NMNAT2: variants seen among roughly 807,000 people sequenced by gnomAD.
NMNAT2 encodes the protein nicotinamide nucleotide adenylyltransferase 2.
A neutral mutation model predicts 41.6 loss-of-function variants in NMNAT2; 11 were observed. That is an observed-to-expected ratio of 0.26 (90% CI 0.17 to 0.44). The LOEUF (loss-of-function observed/expected upper bound fraction) is 0.44, where lower values mean the gene tolerates loss of function less well. Ranked by LOEUF, NMNAT2 falls within the 20% of genes least tolerant of loss-of-function variation. NMNAT2 has a pLI of 1.00. For synonymous variants in NMNAT2, 148 were observed against 151.2 expected (o/e 0.98, Z 0.16); for missense variants, 288 against 407.7 (o/e 0.71, Z 2.53).
rs1043177121 is a variant in NMNAT2 at position 183,345,718 on chromosome 1, A to G, written c.86-51925T>C. ...TTTTTTTTTTTTGAGACGGAGTCTC[A>G]CACTGTTGCCCAGGCTGGAGCGCAG... On this transcript the variant is annotated intron_variant, in intron 1 of 10. Coordinates refer to ENST00000287713, the MANE Select transcript of NMNAT2 (RefSeq NM_015039.4). Among the ~76,000 whole-genome samples the G allele has an allele frequency of 5.5e-5, 8 of 146,542 alleles. No individual in the cohort carries two copies. In the East Asian group the frequency reaches 1.6e-3, roughly 29 times the overall value.
At chr1:183,284,560 G>A in intron 6 of NMNAT2, 150 bp downstream of exon 6, 2 of 713,768 alleles carry the variant, frequency 2.8e-6, no homozygotes, top group Non-Finnish European at 2.6e-6. Context: ...ACGCCTGTGT[G>A]GGGGGATACG....
chr1:183,399,793 C>T (rs1157387269), intron 1 of NMNAT2, among the ~76,000 whole-genome samples: 1 of 152,180 alleles, frequency 6.6e-6, no homozygotes, highest in Non-Finnish European at 1.5e-5. Flanking sequence ...ATCATATAAA[C>T]AGAACCAAAG....
At chr1:183,290,812 G>A (rs1661520447) in intron 3 of NMNAT2, 1 of 152,254 alleles carries the variant, frequency 6.6e-6, no homozygotes, top group Non-Finnish European at 1.5e-5. Flanking sequence ...ATGACAGTCA[G>A]ATGAGAGGGC....
At position 183,367,007 on chromosome 1, in the gene NMNAT2, AT is replaced by A. The variant is rs566938514; in HGVS notation, c.85+51175del. ...TTTGTTACTTATACATGCTTACTTG[AT>A]TTCACATGTTACACTTAAAGCAATG... On this transcript the variant is annotated intron_variant, in intron 1 of 10. Coordinates refer to ENST00000287713, the MANE Select transcript of NMNAT2 (RefSeq NM_015039.4). Among the ~76,000 whole-genome samples the A allele has an allele frequency of 6.2e-3, 942 of 152,234 alleles. 12 individuals are homozygous for A. The highest frequency in any genetic ancestry group is 0.02 in the African/African-American group (850 of 41,546).
At chr1:183,400,315 T>C (rs1648773071) in intron 1 of NMNAT2, among the ~76,000 whole-genome samples, 1 of 152,164 alleles carries the variant, frequency 6.6e-6, no homozygotes, top group South Asian at 2.1e-4. Flanking sequence ...CATTCACAAT[T>C]GCTTCAAAGA....
intron 1 of NMNAT2, among the ~76,000 whole-genome samples, chr1:183,311,040 G>T (rs544557456): frequency 1.3e-5 from 2 of 152,286 alleles, no homozygotes; most frequent in Admixed American, 6.5e-5. Context: ...ACCCTGTGAG[G>T]CTGCTTATGG....
intron 1 of NMNAT2, among the ~76,000 whole-genome samples, chr1:183,307,618 T>C (rs1207657720): frequency 1.3e-5 from 2 of 152,194 alleles, no homozygotes; most frequent in African/African-American, 4.8e-5. Flanking sequence ...AATTTTTGTA[T>C]TTTTAATAGA....
chr1:183,398,341 A>G (rs1347509138), intron 1 of NMNAT2, among the ~76,000 whole-genome samples: 1 of 152,238 alleles, frequency 6.6e-6, no homozygotes, highest in Non-Finnish European at 1.5e-5. Context: ...TAAAGGGATC[A>G]ATTCAACAAG....
At chr1:183,307,831 C>T (rs1484481283) in intron 1 of NMNAT2, among the ~76,000 whole-genome samples, 1 of 152,204 alleles carries the variant, frequency 6.6e-6, no homozygotes, top group African/African-American at 2.4e-5. Context: ...ATCTGCACGC[C>T]TCGTCCTCCC....
chr1:183,291,128 G>T (rs1427902268), intron 3 of NMNAT2, among the ~76,000 whole-genome samples: 1 of 152,114 alleles, frequency 6.6e-6, no homozygotes, highest in Non-Finnish European at 1.5e-5. Context: ...CATTGTCCAG[G>T]CTGGTCTCAA....
chr1:183,379,212 G>T (rs569719181), intron 1 of NMNAT2, among the ~76,000 whole-genome samples: 1 of 151,606 alleles, frequency 6.6e-6, no homozygotes. Flanking sequence ...ACTATATCTC[G>T]CTCTGTCACC....
intron 1 of NMNAT2, among the ~76,000 whole-genome samples, chr1:183,339,686 A>G (rs532661820): frequency 2.3e-3 from 351 of 152,338 alleles, no homozygotes; most frequent in Non-Finnish European, 4.2e-3. Flanking sequence ...CACTGTTCTC[A>G]GCATTGACGT....
chr1:183,417,460 C>A (rs1157831485), intron 1 of NMNAT2, among the ~76,000 whole-genome samples: 1 of 152,218 alleles, frequency 6.6e-6, no homozygotes, highest in African/African-American at 2.4e-5. Context: ...GGGCCCCGAT[C>A]CTTCGGCTCC....
chr1:183,350,922 T>A (rs1663032020), intron 1 of NMNAT2, among the ~76,000 whole-genome samples: 2 of 152,150 alleles, frequency 1.3e-5, no homozygotes, highest in Non-Finnish European at 2.9e-5. Context: ...GAGTTCAACA[T>A]GTATTTGAAG....
intron 1 of NMNAT2, among the ~76,000 whole-genome samples, chr1:183,346,136 C>T (rs1662923618): frequency 6.6e-6 from 1 of 152,150 alleles, no homozygotes; most frequent in Admixed American, 6.5e-5. Context: ...GCTGGGTTCT[C>T]CTCGCCTTTC....
intron 1 of NMNAT2, among the ~76,000 whole-genome samples, chr1:183,328,572 T>C (rs1662516300): frequency 6.6e-6 from 1 of 152,176 alleles, no homozygotes; most frequent in Admixed American, 6.5e-5. Context: ...GATCTGACCA[T>C]CAGGCTTGGT....
At chr1:183,289,765 C>G (rs912358936) in intron 4 of NMNAT2, among the ~76,000 whole-genome samples, 1 of 152,152 alleles carries the variant, frequency 6.6e-6, no homozygotes. Context: ...CTTTCATTGT[C>G]CAGTTTCCTC....
In NMNAT2 at chr1:183,286,703, G is replaced by T; in HGVS notation, c.407C>A (p.Pro136His). 6.2e-7 allele frequency: 1 copy of T among 1,612,542 alleles called. No individual in the cohort carries two copies. Among genetic ancestry groups the T allele is most frequent in the Non-Finnish European group, 8.5e-7 (1 of 1,179,408 alleles). Reference protein sequence around the residue: ...IGQPQNETPQPIYQNSNVATK... With the variant: ...IGQPQNETPQHIYQNSNVATK... ...GGCCACGTTGCTGTTCTGGTAAATG[G>T]GCTGGGGGGTCTCGTTTTGTGGCTG... Residue 136 changes from proline (P) to histidine (H), a missense_variant, in exon 5 of 11, where the codon CCC becomes CAC. Physicochemically the swap from Pro to His is moderately conservative, Grantham distance 77. This residue lies in a region of NMNAT2 where 181 missense variants were observed against 213.7 expected (regional missense o/e 0.85). Coordinates refer to ENST00000287713, the MANE Select transcript of NMNAT2 (RefSeq NM_015039.4).
At chr1:183,273,841 CCCTTCCTTCCTTCCTTCCTTCCTT>C (rs1158581494) in intron 8 of NMNAT2, among the ~76,000 whole-genome samples, 3 of 79,164 alleles carry the variant, frequency 3.8e-5, no homozygotes, top group East Asian at 9.7e-4. Flanking sequence ...CTCCCTCCCT[CCCTTCCTTCCTTCCTTCCTTCCTT>C]CCTTCCTTCC....
Sources: allele counts gnomAD v4.1 joint callset (sites outside exome capture counted in the v4.1 genomes callset), GRCh38; gene constraint gnomAD v4.1.1; regional missense constraint gnomAD v4.1.1; transcripts MANE v1.5; gene names NCBI Gene and HGNC (gene_info 2026-07-23, HGNC 2026-07-21).